Variants in PDSS2 observed in about 807,000 individuals in gnomAD.
PDSS2 encodes the protein all trans-polyprenyl-diphosphate synthase PDSS2.
In PDSS2, 31 loss-of-function variants were observed where a neutral mutation model predicts 44.5. The ratio of observed to expected loss-of-function variants is 0.70; its 90% CI spans 0.52 to 0.94. The LOEUF is 0.94. PDSS2 is among the 40% of genes least tolerant of loss of function. The probability of loss-of-function intolerance (pLI) is 0.00; values close to 1 mark genes in which losing one functional copy is unlikely to be tolerated. For synonymous variants in PDSS2, 157 were observed against 180.3 expected, an observed-to-expected ratio of 0.87 and a Z score of 1.03; for missense variants, 452 against 482.2, an observed-to-expected ratio of 0.94 and a Z score of 0.59.
intron 6 of PDSS2, among the ~76,000 whole-genome samples, chr6:107,204,773 T>C (rs760837159): frequency 1.3e-5 from 2 of 152,250 alleles, no homozygotes; most frequent in Non-Finnish European, 2.9e-5. Context: ...CTTATGTTTC[T>C]ATATTTATGT....
At chr6:107,382,860 TAA>T (rs1329777724) in intron 1 of PDSS2, among the ~76,000 whole-genome samples, 4 of 151,994 alleles carry the variant, frequency 2.6e-5, no homozygotes, top group African/African-American at 7.3e-5. Flanking sequence ...AAAAAAACCT[TAA>T]ATTTATGGTC....
chr6:107,434,639 A>T (rs1781292910), intron 1 of PDSS2, among the ~76,000 whole-genome samples: 1 of 152,324 alleles, frequency 6.6e-6, no homozygotes, highest in East Asian at 1.9e-4. Flanking sequence ...ATGGTTAATG[A>T]GTACAAAAAT....
chr6:107,385,054 A>G (rs17068184), intron 1 of PDSS2, among the ~76,000 whole-genome samples: 16,134 of 152,226 alleles, frequency 0.11, 1,038 homozygotes, highest in South Asian at 0.18. Flanking sequence ...TTAAATGTTC[A>G]GAAAGAAGTA....
At chr6:107,307,097 T>C (rs1430471361) in intron 2 of PDSS2, among the ~76,000 whole-genome samples, 3 of 152,250 alleles carry the variant, frequency 2.0e-5, no homozygotes, top group Non-Finnish European at 2.9e-5. Context: ...ATATGGCTTA[T>C]TGAAGTAGGC....
chr6:107,283,969 T>C (rs934187389), intron 2 of PDSS2, among the ~76,000 whole-genome samples: 5 of 151,804 alleles, frequency 3.3e-5, no homozygotes, highest in African/African-American at 1.2e-4. Flanking sequence ...GAGGTTGCCA[T>C]GAGCCTAGAT....
At chr6:107,390,509 C>T (rs1040759353) in intron 1 of PDSS2, among the ~76,000 whole-genome samples, 1 of 152,068 alleles carries the variant, frequency 6.6e-6, no homozygotes, top group African/African-American at 2.4e-5. Context: ...GGAGATATTA[C>T]ATCTAAACGT....
chr6:107,284,655 T>TC (rs1344074438), intron 2 of PDSS2, among the ~76,000 whole-genome samples: 1 of 119,258 alleles, frequency 8.4e-6, no homozygotes, highest in Non-Finnish European at 1.8e-5. Context: ...GAGAAAGACT[T>TC]CGTCTCCAAA....
chr6:107,452,450 T>C (rs1319086282), intron 1 of PDSS2, among the ~76,000 whole-genome samples: 2 of 152,076 alleles, frequency 1.3e-5, no homozygotes, highest in Non-Finnish European at 2.9e-5. Context: ...CAGGCTGGCC[T>C]CAAACTCCTA....
chr6:107,320,762 T>C (rs1271393967), intron 2 of PDSS2, among the ~76,000 whole-genome samples: 1 of 152,132 alleles, frequency 6.6e-6, no homozygotes, highest in Non-Finnish European at 1.5e-5. Context: ...TCAACAATAA[T>C]ACATGGAGCA....
Position 107,458,852 on chromosome 6 carries a change from TAGG to T in PDSS2, c.296+135_296+137del, listed in dbSNP as rs901254685. The stretch of plus-strand genomic sequence containing the variant: ...TAGAGAAGAGACAACACGGAATGTC[TAGG>T]AGGAGTGAGTAAAAAGGAAGGACTA... On this transcript the variant is annotated intron_variant, in intron 1 of 7. Transcript: ENST00000369037. 25 of 739,334 alleles carry T rather than the reference TAGG, an allele frequency of 3.4e-5. No homozygotes were observed. In the African/African-American group the frequency reaches 4.0e-4, roughly 12 times the overall value. 45.8% of individuals were successfully genotyped at this position (739,334 alleles called of 1,614,324 possible). A position where few individuals can be genotyped will look rare whatever the true frequency, so the allele number is the denominator to read the frequency against.
At chr6:107,207,978 GTTTTTTT>G (rs756043067) in intron 6 of PDSS2, among the ~76,000 whole-genome samples, 3 of 67,562 alleles carry the variant, frequency 4.4e-5, no homozygotes, top group Non-Finnish European at 7.9e-5. Flanking sequence ...TCTATGACTT[GTTTTTTT>G]TTTTTTTTTT....
At chr6:107,217,001 C>T (rs10456855) in intron 4 of PDSS2, among the ~76,000 whole-genome samples, 45,524 of 152,022 alleles carry the variant, frequency 0.3, 8,364 homozygotes, top group African/African-American at 0.51. Flanking sequence ...GCTGGTACAA[C>T]TAAAGAGCTA....
intron 1 of PDSS2, among the ~76,000 whole-genome samples, chr6:107,407,147 C>T (rs1780346804): frequency 1.3e-5 from 2 of 152,104 alleles, no homozygotes; most frequent in South Asian, 4.1e-4. Flanking sequence ...ATATATGCTA[C>T]AACATGGATG....
At chr6:107,420,909 G>A (rs151267412) in intron 1 of PDSS2, among the ~76,000 whole-genome samples, 91 of 151,364 alleles carry the variant, frequency 6.0e-4, no homozygotes, top group Non-Finnish European at 1.0e-3. Context: ...ATAAAAAGAT[G>A]AGCCACATAC....
chr6:107,439,954 G>A (rs557839154), intron 1 of PDSS2, among the ~76,000 whole-genome samples: 3 of 152,154 alleles, frequency 2.0e-5, no homozygotes, highest in Non-Finnish European at 2.9e-5. Context: ...TGGACAAGGT[G>A]ACTGTTACTG....
chr6:107,169,671 T>C (rs13192890), intron 7 of PDSS2, among the ~76,000 whole-genome samples: 2 of 152,336 alleles, frequency 1.3e-5, no homozygotes, highest in Middle Eastern at 6.8e-3. Flanking sequence ...GGATGTCCTT[T>C]CTGTTTGTTA....
intron 1 of PDSS2, among the ~76,000 whole-genome samples, chr6:107,356,794 T>C (rs2115356662): frequency 6.6e-6 from 1 of 152,310 alleles, no homozygotes; most frequent in Admixed American, 6.5e-5. Flanking sequence ...AAATAAACCA[T>C]GACAATACCA....
intron 1 of PDSS2, among the ~76,000 whole-genome samples, chr6:107,368,012 C>T (rs921857418): frequency 3.3e-5 from 5 of 151,504 alleles, no homozygotes; most frequent in Non-Finnish European, 7.4e-5. Context: ...GGCTCACGCC[C>T]GTAATCCCAG....
intron 1 of PDSS2, among the ~76,000 whole-genome samples, chr6:107,401,893 C>T (rs1780115756): frequency 2.0e-5 from 3 of 152,114 alleles, no homozygotes. Flanking sequence ...GCCTGTAATT[C>T]AAGCACTTTG....
Sources: gnomAD v4.1 joint callset for allele counts (sites outside exome capture counted in the v4.1 genomes callset) on GRCh38, gnomAD v4.1.1 for gene constraint, MANE v1.5 for transcripts, NCBI Gene and HGNC (gene_info 2026-07-23, HGNC 2026-07-21) for gene names.